ST18: variants seen among roughly 807,000 people sequenced by gnomAD.
ST18 encodes the protein ST18 C2H2C-type zinc finger transcription factor.
A neutral mutation model predicts 110.0 loss-of-function variants in ST18; 50 were observed. The ratio of observed to expected loss-of-function variants is 0.45; its 90% CI spans 0.36 to 0.58. The LOEUF (loss-of-function observed/expected upper bound fraction) is 0.58, where lower values mean the gene tolerates loss of function less well. Among genes scored for constraint, ST18 ranks in the 20% least tolerant of loss-of-function variants. The pLI, the probability that ST18 is intolerant of heterozygous loss-of-function variation, is 0.00. For missense variants in ST18, 1,306 were observed against 1,280.1 expected (o/e 1.02, Z -0.31); for synonymous variants, 461 against 452.4 (o/e 1.02, Z -0.24).
chr8:52,196,409 T>A (rs1317699226), intron 8 of ST18, among the ~76,000 whole-genome samples: 2 of 152,184 alleles, frequency 1.3e-5, no homozygotes, highest in Admixed American at 6.5e-5. Context: ...GTAATTCACA[T>A]CCTCTGTTTT....
chr8:52,216,132 A>G (rs1222933769), intron 6 of ST18, among the ~76,000 whole-genome samples: 3 of 152,230 alleles, frequency 2.0e-5, no homozygotes, highest in African/African-American at 7.2e-5. Context: ...CACAACCTGC[A>G]AAGAGTGCCA....
In ST18 at chr8:52,394,221, C is replaced by T. The variant is rs193215976; in HGVS notation, c.-465+15107G>A. On this transcript the variant is annotated intron_variant, in intron 2 of 25. Transcript: ENST00000689386. ...CACGTGAACCCTATAGCCATTCCCT[C>T]AGTAATTTCTGCCAATTCCACCTGT... Among the ~76,000 whole-genome samples, 186 of 152,290 alleles carry T rather than the reference C, an allele frequency of 1.2e-3. 2 individuals carry two copies. The Middle Eastern group carries it at 0.014, about 11-fold the overall frequency.
intron 23 of ST18, among the ~76,000 whole-genome samples, chr8:52,125,188 G>A (rs2046526602): frequency 6.6e-6 from 1 of 152,114 alleles, no homozygotes; most frequent in African/African-American, 2.4e-5. Flanking sequence ...CTCTGAACTT[G>A]GAGAGGGGAT....
chr8:52,232,957 C>T (rs542122973), intron 2 of ST18, among the ~76,000 whole-genome samples: 1 of 152,122 alleles, frequency 6.6e-6, no homozygotes, highest in South Asian at 2.1e-4. Context: ...AGAATGTAAG[C>T]ACATGAGAAA....
chr8:52,216,779 A>G (rs2084406388), intron 6 of ST18, among the ~76,000 whole-genome samples: 1 of 152,220 alleles, frequency 6.6e-6, no homozygotes, highest in Non-Finnish European at 1.5e-5. Flanking sequence ...ACGGACCTCA[A>G]TAAATTGCCA....
chr8:52,127,035 T>C (rs1290916590), intron 22 of ST18, among the ~76,000 whole-genome samples: 2 of 152,240 alleles, frequency 1.3e-5, no homozygotes, highest in African/African-American at 4.8e-5. Context: ...ATAGTGATGA[T>C]CATAATCAGT....
rs117280463 is a variant in ST18 at position 52,392,266 on chromosome 8, C to T, written c.-465+17062G>A. ...TTTGACAAATAGTTGTTGATGCTGGCGATAAGCATGGTGATGGTGACGGTG... is the reference window on the plus strand; with the variant it reads ...TTTGACAAATAGTTGTTGATGCTGGTGATAAGCATGGTGATGGTGACGGTG... On this transcript the variant is annotated intron_variant, in intron 2 of 25. Transcript: ENST00000689386. Among the ~76,000 whole-genome samples the T allele has an allele frequency of 4.6e-5, 7 of 151,606 alleles. No homozygotes were observed. The South Asian group carries it at 1.3e-3, about 27-fold the overall frequency.
intron 2 of ST18, chr8:52,407,722 T>A (rs1006468153): frequency 1.3e-5 from 2 of 152,160 alleles, no homozygotes; most frequent in African/African-American, 4.8e-5. Flanking sequence ...AACGGCTACT[T>A]TCATGCAGAG....
intron 8 of ST18, among the ~76,000 whole-genome samples, chr8:52,191,266 C>T (rs1376215720): frequency 6.6e-6 from 1 of 152,200 alleles, no homozygotes; most frequent in African/African-American, 2.4e-5. Context: ...GGGACTGGAG[C>T]AAGGCCATGT....
chr8:52,353,045 A>C (rs1821099585), intron 2 of ST18, among the ~76,000 whole-genome samples: 1 of 152,066 alleles, frequency 6.6e-6, no homozygotes, highest in Non-Finnish European at 1.5e-5. Context: ...ACTTTTCCAC[A>C]CTTTTTTGCA....
chr8:52,137,857 C>CT, intron 17 of ST18: 1 of 183,590 alleles, frequency 5.4e-6, no homozygotes, highest in Non-Finnish European at 1.1e-5. Flanking sequence ...AATCCCAGCA[C>CT]TTGGGAGGCC....
rs1444696930 is a variant in ST18, at chr8:52,111,151, C to A, written c.*2047G>T. On this transcript the variant is annotated 3_prime_UTR_variant, in exon 26 of 26. Transcript: ENST00000689386. ...AACTATGCAAACACAAATAAATTAA[C>A]CTGAAGTCATAGCAAATTATAGTAA... 2.6e-6 allele frequency: 1 copy of A among 391,014 alleles called. No individual in the cohort carries two copies. Among genetic ancestry groups the A allele is most frequent in the Non-Finnish European group, 4.5e-6 (1 of 221,262 alleles). 24.2% of individuals were successfully genotyped at this position (391,014 alleles called of 1,614,324 possible). A position where few individuals can be genotyped will look rare whatever the true frequency, so the allele number is the denominator to read the frequency against.
chr8:52,157,596 C>T (rs1340163881), intron 15 of ST18, among the ~76,000 whole-genome samples: 3 of 152,136 alleles, frequency 2.0e-5, no homozygotes, highest in Non-Finnish European at 4.4e-5. Flanking sequence ...GACTAGGAAT[C>T]TTTTGAATTT....
Position 52,158,975 on chromosome 8 carries a change from C to G in ST18, c.1729G>C (p.Ala577Pro). The G allele has an allele frequency of 1.2e-6, 2 of 1,614,080 alleles. No homozygotes were observed. Among genetic ancestry groups the G allele is most frequent in the Non-Finnish European group, 1.7e-6 (2 of 1,179,958 alleles). The change falls in exon 15 of 26, where the codon GCC becomes CCC. Residue 577 changes from alanine to proline, a missense_variant. Coordinates refer to ENST00000689386, the MANE Select transcript of ST18 (RefSeq NM_001352837.2). ...SEDTHIAAAAAILNLSTRCRE... is the reference protein window; with the variant it reads ...SEDTHIAAAAPILNLSTRCRE... ...CAGCGGGTGGAAAGGTTCAGGATGG[C>G]AGCAGCTGCTGCTATGTGGGTGTCT...
At chr8:52,203,862 C>A (rs2078958268) in intron 8 of ST18, among the ~76,000 whole-genome samples, 1 of 152,094 alleles carries the variant, frequency 6.6e-6, no homozygotes, top group South Asian at 2.1e-4. Flanking sequence ...ATTTAGTTCC[C>A]AAATTACCAA....
intron 5 of ST18, among the ~76,000 whole-genome samples, chr8:52,219,168 A>G (rs1042207210): frequency 3.3e-5 from 5 of 152,134 alleles, no homozygotes; most frequent in Non-Finnish European, 5.9e-5. Flanking sequence ...GCAGCTCACA[A>G]TGGGAGCAAA....
chr8:52,130,099 AAAG>A, intron 22 of ST18, among the ~76,000 whole-genome samples: 1 of 70,810 alleles, frequency 1.4e-5, no homozygotes, highest in African/African-American at 1.1e-4. Context: ...AAAGAAAAAG[AAAG>A]AAAGAAAGAA....
intron 14 of ST18, among the ~76,000 whole-genome samples, chr8:52,160,742 A>G (rs1232641299): frequency 2.0e-5 from 3 of 152,238 alleles, no homozygotes; most frequent in Admixed American, 1.3e-4. Flanking sequence ...ACACTATACC[A>G]TATTTGAGTT....
At chr8:52,142,554 G>A (rs1426279731) in intron 17 of ST18, among the ~76,000 whole-genome samples, 1 of 151,912 alleles carries the variant, frequency 6.6e-6, no homozygotes. Flanking sequence ...ACCTCTTCTG[G>A]GCCTCAGAAC....
Sources: allele counts gnomAD v4.1 joint callset (sites outside exome capture counted in the v4.1 genomes callset), GRCh38; gene constraint gnomAD v4.1.1; transcripts MANE v1.5; gene names NCBI Gene and HGNC (gene_info 2026-07-23, HGNC 2026-07-21).